SMYD4: variants seen among roughly 807,000 people sequenced by gnomAD.
The protein encoded by SMYD4 is SET and MYND domain containing 4, also known as protein-lysine N-methyltransferase SMYD4.
Under a neutral mutation model 72.8 loss-of-function variants are expected in SMYD4, and 68 were observed. The ratio of observed to expected loss-of-function variants is 0.93; its 90% CI spans 0.77 to 1.14. The LOEUF (loss-of-function observed/expected upper bound fraction) is 1.14, where lower values mean the gene tolerates loss of function less well. Ranked by LOEUF, SMYD4 falls within the 50% of genes most tolerant of loss-of-function variation. The probability of loss-of-function intolerance (pLI) is 0.00; values close to 1 mark genes in which losing one functional copy is unlikely to be tolerated. For synonymous variants in SMYD4, 407 were observed against 388.6 expected (o/e 1.05, Z -0.56); for missense variants, 984 against 1,003.7 (o/e 0.98, Z 0.27).
At chr17:1,787,656 C>A in intron 5 of SMYD4, 52 bp from the exon 6 acceptor site, 1 of 1,498,322 alleles carries the variant, frequency 6.7e-7, no homozygotes, top group Non-Finnish European at 8.9e-7. Context: ...TGAGCCCTGG[C>A]CTTGCCCTCT....
rs150963583 is a variant in SMYD4, at chr17:1,786,199, T to C, written c.1884+611A>G. Reference sequence around the variant, plus strand: ...TGCCCAGGCTGCTGTTTGAGTGGCATGTGCTCTTATCCTCCTTGGCAGGAA... The same window carrying C: ...TGCCCAGGCTGCTGTTTGAGTGGCACGTGCTCTTATCCTCCTTGGCAGGAA... On this transcript the variant is annotated intron_variant, in intron 7 of 10. Transcript: ENST00000305513. Among the ~76,000 whole-genome samples, 1,146 of 152,240 alleles carry C rather than the reference T, an allele frequency of 7.5e-3. 3 individuals are homozygous for C. The highest frequency in any genetic ancestry group is 0.011 in the Non-Finnish European group (757 of 68,000).
At position 1,787,565 on chromosome 17, in the gene SMYD4, C is replaced by A. The variant is rs375353382; in HGVS notation, c.1577G>T (p.Arg526Leu). The A allele has an allele frequency of 1.9e-6, 3 of 1,595,582 alleles. No individual in the cohort carries two copies. Among genetic ancestry groups the A allele is most frequent in the Non-Finnish European group, 2.6e-6 (3 of 1,171,284 alleles). The change falls in exon 6 of 11, where the codon CGC becomes CTC. Residue 526 changes from arginine to leucine, a missense_variant. Physicochemically the swap from Arg to Leu is moderately radical, Grantham distance 102 (BLOSUM62 -2). Coordinates refer to ENST00000305513, the MANE Select transcript of SMYD4 (RefSeq NM_052928.3). The part of the protein sequence containing the change: ...GSIVTDSRQV[R>L]LATGIFPVIS... ...AACAGGGAAGATGCCTGTGGCAAGGCGCACCTGCCTGCTGTCGGTAACGAT... is the reference window on the plus strand; with the variant it reads ...AACAGGGAAGATGCCTGTGGCAAGGAGCACCTGCCTGCTGTCGGTAACGAT...
rs35091572 is a variant in SMYD4, at chr17:1,815,504, C to CTTT, written c.135-3392_135-3390dup. ...TGTGAGTCACTGCATCCAGCCGATT[C>CTTT]TTTTTTTTTTTTTTTTAATGTCTTC... On this transcript the variant is annotated intron_variant, in intron 2 of 10. Coordinates refer to ENST00000305513, the MANE Select transcript of SMYD4 (RefSeq NM_052928.3). Among the ~76,000 whole-genome samples the CTTT allele has an allele frequency of 3.0e-5, 4 of 133,616 alleles. No homozygotes were observed. The South Asian group carries it at 9.9e-4, about 33-fold the overall frequency. 87.7% of individuals were successfully genotyped at this position (133,616 alleles called of 152,430 possible).
intron 2 of SMYD4, among the ~76,000 whole-genome samples, chr17:1,824,682 C>A (rs1038079197): frequency 5.3e-5 from 8 of 152,064 alleles, no homozygotes; most frequent in African/African-American, 1.9e-4. Flanking sequence ...AGCAGTGGCA[C>A]AATCTCAGCG....
chr17:1,796,252 G>A (rs1156359162), intron 5 of SMYD4, among the ~76,000 whole-genome samples: 1 of 148,720 alleles, frequency 6.7e-6, no homozygotes, highest in Non-Finnish European at 1.5e-5. Context: ...TCCTGCCTCA[G>A]CTTCCCAAGT....
At chr17:1,786,753 C>A in intron 7 of SMYD4, 57 bp downstream of exon 7, 1 of 1,608,998 alleles carries the variant, frequency 6.2e-7, no homozygotes, top group Non-Finnish European at 8.5e-7. Context: ...CACTGATCAC[C>A]CTTGGGGTGG....
At chr17:1,818,003 T>C (rs113449326) in intron 2 of SMYD4, among the ~76,000 whole-genome samples, 246 of 136,562 alleles carry the variant, frequency 1.8e-3, no homozygotes, top group African/African-American at 5.7e-3. Flanking sequence ...GCCGAGATCG[T>C]GCCACTGCAC....
intron 2 of SMYD4, among the ~76,000 whole-genome samples, chr17:1,816,584 C>A (rs1910608651): frequency 6.6e-6 from 1 of 150,496 alleles, no homozygotes; most frequent in South Asian, 2.1e-4. Flanking sequence ...CACACCACGG[C>A]ACTCCACCCT....
Position 1,781,305 on chromosome 17 carries a change from G to A in SMYD4, c.2396C>T (p.Pro799Leu). 6.2e-7 allele frequency: 1 copy of A among 1,613,500 alleles called. No individual in the cohort carries two copies. The highest frequency in any genetic ancestry group is 8.5e-7 in the Non-Finnish European group (1 of 1,180,016). Reference protein sequence around the residue: ...KSCLLDLPPTPVGPAL With the variant: ...KSCLLDLPPTLVGPAL Reference sequence around the variant, plus strand: ...GGAACCCTACAATGCAGGCCCTACAGGGGTGGGTGGTAAGTCCAACAAACA... The same window carrying A: ...GGAACCCTACAATGCAGGCCCTACAAGGGTGGGTGGTAAGTCCAACAAACA... Residue 799 changes from proline to leucine, a missense_variant, in exon 11 of 11, where the codon CCT (proline) becomes CTT (leucine). Pro to Leu is a moderately conservative substitution (Grantham distance 98, BLOSUM62 -3). Transcript: ENST00000305513.
intron 4 of SMYD4, among the ~76,000 whole-genome samples, chr17:1,801,626 A>G (rs1314839931): frequency 6.2e-4 from 27 of 43,812 alleles, no homozygotes; most frequent in African/African-American, 1.4e-3. Flanking sequence ...GCAGGCTTTG[A>G]AAAAAAAAAA....
chr17:1,792,239 T>C (rs907373485), intron 5 of SMYD4, among the ~76,000 whole-genome samples: 1 of 151,884 alleles, frequency 6.6e-6, no homozygotes, highest in African/African-American at 2.4e-5. Flanking sequence ...AGACGGGGTT[T>C]CACGTTAGCC....
chr17:1,819,952 T>G (rs1910810728), intron 2 of SMYD4, among the ~76,000 whole-genome samples: 1 of 152,184 alleles, frequency 6.6e-6, no homozygotes, highest in Non-Finnish European at 1.5e-5. Flanking sequence ...CACGCCCAGC[T>G]AATTTTTGCA....
chr17:1,795,975 A>G (rs1288508660), intron 5 of SMYD4, among the ~76,000 whole-genome samples: 1 of 152,018 alleles, frequency 6.6e-6, no homozygotes, highest in East Asian at 1.9e-4. Flanking sequence ...CTATGTATAT[A>G]TTTTTAAAAC....
At chr17:1,801,672 C>T (rs958543213) in intron 4 of SMYD4, among the ~76,000 whole-genome samples, 4 of 147,974 alleles carry the variant, frequency 2.7e-5, no homozygotes, top group African/African-American at 9.9e-5. Flanking sequence ...TCCAAGCAGA[C>T]CTGCATTCAA....
chr17:1,797,965 G>A (rs1017510665), intron 5 of SMYD4, among the ~76,000 whole-genome samples: 7 of 151,758 alleles, frequency 4.6e-5, no homozygotes, highest in African/African-American at 1.4e-4. Flanking sequence ...TTGTGCCACC[G>A]CACTCCAGCC....
intron 7 of SMYD4, among the ~76,000 whole-genome samples, chr17:1,785,758 C>T (rs1464095090): frequency 1.1e-5 from 1 of 89,162 alleles, no homozygotes; most frequent in Admixed American, 1.2e-4. Context: ...GGCAAGACCC[C>T]ATCTCAAAAA....
At position 1,799,928 on chromosome 17, in the gene SMYD4, C is replaced by A. The variant is rs768738058; in HGVS notation, c.1466G>T (p.Gly489Val). The change falls in exon 5 of 11, where the codon GGA becomes GTA. Residue 489 changes from glycine (G) to valine (V), a missense_variant. By Grantham distance (109) the Gly-to-Val change is moderately radical. Transcript: ENST00000305513. ...PELCPDVTIW[G>V]VAMLRHMLQL... Reference sequence around the variant, plus strand: ...TAACATGTGTCTCAGCATCGCCACTCCCCAAATAGTCACGTCAGGACACAA... The same window carrying A: ...TAACATGTGTCTCAGCATCGCCACTACCCAAATAGTCACGTCAGGACACAA... 14 of 1,613,962 alleles carry A rather than the reference C, an allele frequency of 8.7e-6. No individual in the cohort carries two copies. The South Asian group carries it at 1.5e-4, about 18-fold the overall frequency.
Position 1,779,561 on chromosome 17 carries a change from CTTTGAT to C in SMYD4, c.*1719_*1724del, listed in dbSNP as rs1209167197. The C allele has an allele frequency of 2.6e-5, 4 of 151,886 alleles. No homozygotes were observed. In the East Asian group the frequency reaches 7.7e-4, roughly 29 times the overall value. The allele number at this position is 151,886 out of a possible 1,614,324, so 9.4% of individuals were successfully genotyped here. On this transcript the variant is annotated 3_prime_UTR_variant, in exon 11 of 11. Coordinates refer to ENST00000305513, the MANE Select transcript of SMYD4 (RefSeq NM_052928.3). ...ATGTGTTATAAAGTCTTTACTACAA[CTTTGAT>C]TTTATTAGTGGTTGGTTACTGACTC...
At position 1,786,797 on chromosome 17, in the gene SMYD4, AAGAG is replaced by A. The variant is rs773628723; in HGVS notation, c.1884+9_1884+12del. 1.1e-5 allele frequency: 17 copies of A among 1,613,894 alleles called. No individual in the cohort carries two copies. Among genetic ancestry groups the A allele is most frequent in the African/African-American group, 1.3e-5 (1 of 74,940 alleles). On this transcript the variant is annotated intron_variant, in intron 7 of 10. Coordinates refer to ENST00000305513, the MANE Select transcript of SMYD4 (RefSeq NM_052928.3). ...CCTCCAGGAAAAGTGGAGGAGACAG[AAGAG>A]AGAATTACCTGCATGGGCGCTCCGC...
Sources: allele counts gnomAD v4.1 joint callset (sites outside exome capture counted in the v4.1 genomes callset), GRCh38; gene constraint gnomAD v4.1.1; transcripts MANE v1.5; gene names NCBI Gene and HGNC (gene_info 2026-07-23, HGNC 2026-07-21).